The following RBM45 variants were observed in gnomAD, a reference collection of about 807,000 sequenced individuals.
RBM45 encodes the protein RNA binding motif protein 45.
Under a neutral mutation model 58.5 loss-of-function variants are expected in RBM45, and 39 were observed. The observed-to-expected ratio is 0.67, with a 90% CI of 0.52 to 0.87. RBM45 has a LOEUF of 0.87. Among genes scored for constraint, RBM45 ranks in the 40% least tolerant of loss-of-function variants. RBM45 has a pLI of 0.00. For missense variants in RBM45, 481 were observed against 581.6 expected (o/e 0.83, Z 1.78); for synonymous variants, 193 against 203.0 (o/e 0.95, Z 0.42).
downstream of RBM45, among the ~76,000 whole-genome samples, chr2:178,134,278 T>G (rs2088027826): frequency 6.6e-6 from 1 of 152,168 alleles, no homozygotes; most frequent in Admixed American, 6.5e-5. Flanking sequence ...TGTTTGTATA[T>G]GAGGTACAAA....
chr2:178,115,031 C>A (rs113289574), intron 1 of RBM45, among the ~76,000 whole-genome samples: 8 of 152,254 alleles, frequency 5.3e-5, no homozygotes, highest in African/African-American at 1.9e-4. Context: ...ATCTGTAAGA[C>A]AACAATATTA....
At chr2:178,136,721 T>G (rs1160879133) in exon 4 of RBM45, 1 of 152,218 alleles carries the variant, frequency 6.6e-6, no homozygotes, top group East Asian at 1.9e-4. Context: ...TTGATCTTAT[T>G]GCAAGGAAGT....
At chr2:178,138,190 T>C (rs1281445690) in exon 4 of RBM45, 1 of 152,170 alleles carries the variant, frequency 6.6e-6, no homozygotes, top group East Asian at 1.9e-4. Context: ...CCACTTTTTG[T>C]TCATTATCCA....
chr2:178,123,523 T>G lies in RBM45; in HGVS notation c.855T>G (p.Gly285=), dbSNP rs767057748. Reference sequence around the variant, plus strand: ...ATTTCTGTATGTTCTCTATTTTAGGTCATGGAGTGGTTCAGTATTTTAATG... The same window carrying G: ...ATTTCTGTATGTTCTCTATTTTAGGGCATGGAGTGGTTCAGTATTTTAATG... The part of the protein sequence containing the change: ...EVQRDPYSNY[G]HGVVQYFNVA... The change falls in exon 6 of 10, where the codon GGT becomes GGG. Residue 285 remains glycine, a splice_region_variant and synonymous_variant. Transcript: ENST00000286070. The G allele has an allele frequency of 6.3e-7, 1 of 1,581,760 alleles. No individual in the cohort carries two copies. Among genetic ancestry groups the G allele is most frequent in the South Asian group, 1.2e-5 (1 of 83,716 alleles).
chr2:178,137,523 C>T (rs2088054792), exon 4 of RBM45: 1 of 152,158 alleles, frequency 6.6e-6, no homozygotes, highest in Non-Finnish European at 1.5e-5. Flanking sequence ...AGGAAATGAG[C>T]TAACTTGCTA....
At chr2:178,135,486 A>G (rs1386484205) in intron 3 of RBM45, among the ~76,000 whole-genome samples, 4 of 152,222 alleles carry the variant, frequency 2.6e-5, no homozygotes, top group Non-Finnish European at 4.4e-5. Context: ...AGTCTATACC[A>G]GGTACTGTAA....
chr2:178,132,475 A>G (rs1050464703), downstream of RBM45, among the ~76,000 whole-genome samples: 20 of 152,244 alleles, frequency 1.3e-4, no homozygotes, highest in African/African-American at 4.6e-4. Context: ...GGACTTTACC[A>G]CTAGGTGGTG....
At chr2:178,135,877 A>T (rs1230587829) in intron 3 of RBM45, among the ~76,000 whole-genome samples, 2 of 152,244 alleles carry the variant, frequency 1.3e-5, no homozygotes, top group Non-Finnish European at 2.9e-5. Flanking sequence ...GAAAATTTAT[A>T]TCAATCATAG....
intron 3 of RBM45, among the ~76,000 whole-genome samples, chr2:178,120,081 A>T (rs542674975): frequency 6.6e-6 from 1 of 152,258 alleles, no homozygotes; most frequent in African/African-American, 2.4e-5. Context: ...GTCTACATTG[A>T]CCCGTAATTT....
intron 9 of RBM45, among the ~76,000 whole-genome samples, chr2:178,127,081 C>T (rs952635554): frequency 2.6e-5 from 4 of 152,050 alleles, no homozygotes; most frequent in Non-Finnish European, 5.9e-5. Flanking sequence ...GGACTACAGG[C>T]GCGTACCACC....
chr2:178,116,688 T>C (rs1310847541), intron 2 of RBM45, among the ~76,000 whole-genome samples: 3 of 152,156 alleles, frequency 2.0e-5, no homozygotes, highest in Non-Finnish European at 4.4e-5. Context: ...GTCACACAAC[T>C]AGTAGGTGGT....
At chr2:178,137,467 A>G (rs537156823) in exon 4 of RBM45, 1 of 152,338 alleles carries the variant, frequency 6.6e-6, no homozygotes, top group East Asian at 1.9e-4. Flanking sequence ...CAAAGTGGAA[A>G]CAACCCCAAT....
chr2:178,112,492 G>A lies in RBM45; in HGVS notation c.-55G>A. 1 of 1,507,126 alleles carries A rather than the reference G, an allele frequency of 6.6e-7. No homozygotes were observed. The highest frequency in any genetic ancestry group is 9.1e-7 in the Non-Finnish European group (1 of 1,099,982). The allele number at this position is 1,507,126 out of a possible 1,614,324, so 93.4% of individuals were successfully genotyped here. ...GGCTTGGGTGTGAGACAGCAGCGGT[G>A]GCAGACACCGCAGAAGCAAAGAGCA... is the stretch of plus-strand genomic sequence containing the variant. On this transcript the variant is annotated 5_prime_UTR_variant, in exon 1 of 10. Transcript: ENST00000286070.
intron 3 of RBM45, among the ~76,000 whole-genome samples, chr2:178,135,348 T>C (rs2088037098): frequency 1.3e-5 from 2 of 152,212 alleles, no homozygotes; most frequent in Non-Finnish European, 2.9e-5. Context: ...TGGTTTATCA[T>C]CACCAACTCC....
chr2:178,134,781 C>T (rs757284800), intron 3 of RBM45, among the ~76,000 whole-genome samples: 5 of 152,122 alleles, frequency 3.3e-5, no homozygotes, highest in Non-Finnish European at 7.4e-5. Context: ...CACTTGAGGT[C>T]AGGAGTTTGA....
Position 178,116,256 on chromosome 2 carries a change from TC to T in RBM45, c.301-5del, listed in dbSNP as rs764049773. 4 of 1,562,678 alleles carry T rather than the reference TC, an allele frequency of 2.6e-6. No homozygotes were observed. In the East Asian group the frequency reaches 6.9e-5, roughly 27 times the overall value. On this transcript the variant is annotated splice_region_variant and splice_polypyrimidine_tract_variant and intron_variant, in intron 1 of 9. Coordinates refer to ENST00000286070, the MANE Select transcript of RBM45 (RefSeq NM_152945.4). Reference sequence around the variant, plus strand: ...TTTTATTTTGGGAGTTTTGTTTGTTTCTTAGGTTTTCATTGCTCAGTCCCGA... The same window carrying T: ...TTTTATTTTGGGAGTTTTGTTTGTTTTTAGGTTTTCATTGCTCAGTCCCGA...
In RBM45 at chr2:178,123,831, C is replaced by T. The variant is rs768179138; in HGVS notation, c.987C>T (p.Leu329=). ...FIDDGSNATD[L]LRKMATQMVA... ...AATTATCAGTTATTTTTTCCAGTCTCCTTAGAAAAATGGCAACACAGATGG... is the reference window on the plus strand; with the variant it reads ...AATTATCAGTTATTTTTTCCAGTCTTCTTAGAAAAATGGCAACACAGATGG... Residue 329 remains leucine (L), a synonymous_variant, in exon 7 of 10, where the codon CTC becomes CTT. Transcript: ENST00000286070. 1.9e-6 allele frequency: 3 copies of T among 1,613,428 alleles called. No individual in the cohort carries two copies. Among genetic ancestry groups the T allele is most frequent in the Admixed American group, 1.7e-5 (1 of 59,888 alleles).
At chr2:178,129,859 G>T (rs1446903554), downstream of RBM45, among the ~76,000 whole-genome samples, 3 of 152,102 alleles carry the variant, frequency 2.0e-5, no homozygotes, top group African/African-American at 7.2e-5. Flanking sequence ...ACATGAAAAG[G>T]TGCTTTTTTC....
chr2:178,112,447 C>A lies in RBM45; in HGVS notation c.-100C>A. ...GCCGGACTCCTCTTTCTCCCGGAAG[C>A]GGAGCACCGAGCCGGCAAAGGCTTG... is the stretch of plus-strand genomic sequence containing the variant. On this transcript the variant is annotated 5_prime_UTR_variant, in exon 1 of 10. Transcript: ENST00000286070. 1 of 1,174,236 alleles carries A rather than the reference C, an allele frequency of 8.5e-7. No individual in the cohort carries two copies. The highest frequency in any genetic ancestry group is 1.2e-6 in the Non-Finnish European group (1 of 822,916). 72.7% of individuals were successfully genotyped at this position (1,174,236 alleles called of 1,614,324 possible).
Sources: gnomAD v4.1 joint callset for allele counts (sites outside exome capture counted in the v4.1 genomes callset) on GRCh38, gnomAD v4.1.1 for gene constraint, MANE v1.5 for transcripts, NCBI Gene and HGNC (gene_info 2026-07-23, HGNC 2026-07-21) for gene names.